Variants in ITGA3 observed in about 807,000 individuals in gnomAD.
ITGA3 encodes the protein integrin subunit alpha 3.
Under a neutral mutation model 131.1 loss-of-function variants are expected in ITGA3, and 70 were observed. The observed-to-expected ratio is 0.53, with a 90% CI of 0.44 to 0.65. The LOEUF (loss-of-function observed/expected upper bound fraction) is 0.65. Ranked by LOEUF, ITGA3 falls within the 30% of genes least tolerant of loss-of-function variation. The probability of loss-of-function intolerance (pLI) is 0.00; values close to 1 mark genes in which losing one functional copy is unlikely to be tolerated. For missense variants in ITGA3, 1,098 were observed against 1,388.6 expected, an observed-to-expected ratio of 0.79 and a Z score of 3.33; for synonymous variants, 537 against 571.6, an observed-to-expected ratio of 0.94 and a Z score of 0.86.
rs543346479 is a variant in ITGA3 at position 50,074,296 on chromosome 17, A to G, written c.1382+16A>G. ...TGCTGCTGCGGTGAGCCAGGAGGCC[A>G]GTGAATAAGGGTCTTTCTCTTCTTC... is the stretch of plus-strand genomic sequence containing the variant. On this transcript the variant is annotated intron_variant, in intron 9 of 25. Transcript: ENST00000320031. The G allele has an allele frequency of 1.5e-5, 24 of 1,613,512 alleles. No homozygotes were observed. In the South Asian group the frequency reaches 2.5e-4, roughly 17 times the overall value.
At chr17:50,058,021 GCT>G (rs3842376) in intron 1 of ITGA3, among the ~76,000 whole-genome samples, 17,608 of 152,266 alleles carry the variant, frequency 0.12, 1,499 homozygotes, top group East Asian at 0.38. Context: ...TTCTACATCA[GCT>G]CTTTCTGCCC....
chr17:50,083,857 G>A (rs1228003228), intron 23 of ITGA3, among the ~76,000 whole-genome samples: 1 of 151,946 alleles, frequency 6.6e-6, no homozygotes, highest in Non-Finnish European at 1.5e-5. Context: ...TACATAGGGT[G>A]AAATACAAAT....
chr17:50,079,408 C>T (rs757665765), intron 20 of ITGA3, 27 bp from the exon 21 acceptor site: 9 of 1,547,804 alleles, frequency 5.8e-6, no homozygotes, highest in Non-Finnish European at 5.2e-6. Flanking sequence ...CTCTGCCCTG[C>T]CAGCAAATCT....
rs1908267647 is a variant in ITGA3 at position 50,064,986 on chromosome 17, G to C, written c.414+379G>C. On this transcript the variant is annotated intron_variant, in intron 3 of 25. Coordinates refer to ENST00000320031, the MANE Select transcript of ITGA3 (RefSeq NM_002204.4). This position sits in a 1 kb window ranked among gnomAD's most constrained non-coding sequence, Gnocchi z 4.4. ...CTCCTTCCTGGGAGGCTGACTGCCG[G>C]AAGAGGCCCAGCCCTGCTGACCCCG... 1 of 176,080 alleles carries C rather than the reference G, an allele frequency of 5.7e-6. No homozygotes were observed. The highest frequency in any genetic ancestry group is 1.2e-5 in the Non-Finnish European group (1 of 84,102). The allele number at this position is 176,080 out of a possible 1,614,324, so 10.9% of individuals were successfully genotyped here.
chr17:50,065,284 G>A (rs545151250), intron 3 of ITGA3: 2 of 152,326 alleles, frequency 1.3e-5, no homozygotes, highest in African/African-American at 2.4e-5. Context: ...ACTTAACTCT[G>A]TGTTCTTCGT....
chr17:50,056,359 C>G lies in ITGA3; in HGVS notation c.-81C>G. 9.7e-7 allele frequency: 1 copy of G among 1,029,138 alleles called. No homozygotes were observed. The highest frequency in any genetic ancestry group is 1.9e-5 in the South Asian group (1 of 52,218). The allele number at this position is 1,029,138 out of a possible 1,614,324, so 63.8% of individuals were successfully genotyped here. A position where few individuals can be genotyped will look rare whatever the true frequency, so the allele number is the denominator to read the frequency against. ...CGGGTTCCAGTGTCCTCCGGCGGCG[C>G]GGGGAGCAGGTGAACAGGTCCTCAC... On this transcript the variant is annotated 5_prime_UTR_variant, in exon 1 of 26. Transcript: ENST00000320031. This position sits in a 1 kb window ranked among gnomAD's most constrained non-coding sequence, Gnocchi z 5.6.
rs1386119908 is a variant in ITGA3, at chr17:50,072,059, T to C, written c.1033T>C (p.Phe345Leu). 1.9e-6 allele frequency: 3 copies of C among 1,614,080 alleles called. No homozygotes were observed. The South Asian group carries it at 3.3e-5, about 18-fold the overall frequency. ...GGAAGTAGGGGGTGCCATCTATGTCTTCATGAACCAGGCGGGAACCTCCTT... is the reference window on the plus strand; with the variant it reads ...GGAAGTAGGGGGTGCCATCTATGTCCTCATGAACCAGGCGGGAACCTCCTT... Reference protein sequence around the residue: ...KEEVGGAIYVFMNQAGTSFPA... With the variant: ...KEEVGGAIYVLMNQAGTSFPA... The change falls in exon 7 of 26, where the codon TTC (phenylalanine) becomes CTC (leucine). Residue 345 changes from phenylalanine to leucine, a missense_variant. Transcript: ENST00000320031.
chr17:50,071,900 CT>C, intron 6 of ITGA3, 85 bp from the exon 7 acceptor site: 1 of 1,234,160 alleles, frequency 8.1e-7, no homozygotes, highest in Non-Finnish European at 1.1e-6. Flanking sequence ...GCCCTGTGCC[CT>C]GGCACAGTCA....
At chr17:50,061,584 A>G (rs1472922493) in intron 1 of ITGA3, among the ~76,000 whole-genome samples, 3 of 152,260 alleles carry the variant, frequency 2.0e-5, no homozygotes, top group Admixed American at 1.3e-4. Flanking sequence ...CCCCCGCTGT[A>G]GAGTGACTCT....
At position 50,078,289 on chromosome 17, in the gene ITGA3, G is replaced by T; in HGVS notation, c.2297+5G>T. The T allele has an allele frequency of 6.2e-7, 1 of 1,611,296 alleles. No homozygotes were observed. Among genetic ancestry groups the T allele is most frequent in the Non-Finnish European group, 8.5e-7 (1 of 1,177,972 alleles). ...ACTCCAGACCTCGCTTAGCATGTGG[G>T]TACCGCTCTCCACCACCCCCACCCC... On this transcript the variant is annotated splice_donor_5th_base_variant and intron_variant, in intron 18 of 25. Coordinates refer to ENST00000320031, the MANE Select transcript of ITGA3 (RefSeq NM_002204.4).
intron 1 of ITGA3, among the ~76,000 whole-genome samples, chr17:50,059,398 A>G (rs1907973102): frequency 6.6e-6 from 1 of 152,118 alleles, no homozygotes; most frequent in Admixed American, 6.5e-5. Context: ...TTGCTTGGAA[A>G]TGAGGGTATC....
intron 14 of ITGA3, 43 bp from the exon 15 acceptor site, chr17:50,076,931 T>C: frequency 1.3e-6 from 2 of 1,575,794 alleles, no homozygotes; most frequent in Non-Finnish European, 8.6e-7. Context: ...GGGAGTGCCC[T>C]GGGGGCGGGG....
At chr17:50,063,516 C>T (rs1908189179) in intron 1 of ITGA3, 1 of 153,464 alleles carries the variant, frequency 6.5e-6, no homozygotes, top group Non-Finnish European at 1.4e-5. Context: ...CCTCATCTTG[C>T]TCTCTTCTGG....
In ITGA3 at chr17:50,078,047, T is replaced by C. The variant is rs1226776026; in HGVS notation, c.2141T>C (p.Met714Thr). ...LGNPFKRNQR[M>T]ELLIAFEVIG... ...CTGCCTCCCTGACCCTTGTGGCAGA[T>C]GGAGCTGCTCATCGCCTTTGAGGTC... The change falls in exon 17 of 26, where the codon ATG becomes ACG. Residue 714 changes from methionine to threonine, a missense_variant and splice_region_variant. Physicochemically the swap from Met to Thr is moderately conservative, Grantham distance 81 (BLOSUM62 -1). Transcript: ENST00000320031. The C allele has an allele frequency of 6.2e-7, 1 of 1,609,696 alleles. No individual in the cohort carries two copies. Among genetic ancestry groups the C allele is most frequent in the Non-Finnish European group, 8.5e-7 (1 of 1,176,542 alleles).
intron 1 of ITGA3, among the ~76,000 whole-genome samples, chr17:50,059,594 C>G (rs1003883507): frequency 6.6e-6 from 1 of 152,168 alleles, no homozygotes; most frequent in African/African-American, 2.4e-5. Flanking sequence ...AAGGCCTGCT[C>G]GTGTAGTATC....
intron 10 of ITGA3, among the ~76,000 whole-genome samples, 151 bp from the exon 11 acceptor site, chr17:50,075,306 GAC>G (rs1908828433): frequency 1.3e-5 from 2 of 152,184 alleles, no homozygotes; most frequent in African/African-American, 4.8e-5. Context: ...AGGGGTCAGG[GAC>G]ACCACAGACC....
At chr17:50,065,530 C>T (rs1343793051) in intron 3 of ITGA3, 1 of 152,216 alleles carries the variant, frequency 6.6e-6, no homozygotes, top group Non-Finnish European at 1.5e-5. Context: ...CACATAAACT[C>T]AGTCTTAGAA....
At chr17:50,084,448 G>A (rs1909306234) in intron 23 of ITGA3, among the ~76,000 whole-genome samples, 1 of 151,924 alleles carries the variant, frequency 6.6e-6, no homozygotes, top group African/African-American at 2.4e-5. Flanking sequence ...AATATATGGG[G>A]ATATTTTAGA....
chr17:50,083,030 G>A (rs1909252212), intron 23 of ITGA3, among the ~76,000 whole-genome samples: 1 of 152,186 alleles, frequency 6.6e-6, no homozygotes, highest in Non-Finnish European at 1.5e-5. Flanking sequence ...TGAATGCAGG[G>A]TTGGTTATGT....
Sources: gnomAD v4.1 joint callset for allele counts (sites outside exome capture counted in the v4.1 genomes callset) on GRCh38, gnomAD v4.1.1 for gene constraint, Gnocchi (gnomAD v3.1) non-coding constraint, MANE v1.5 for transcripts, NCBI Gene and HGNC (gene_info 2026-07-23, HGNC 2026-07-21) for gene names.